ELOVL2: variants seen among roughly 807,000 people sequenced by gnomAD.
ELOVL2 encodes the protein very long chain fatty acid elongase 2.
A neutral mutation model predicts 37.7 loss-of-function variants in ELOVL2; 38 were observed. The ratio of observed to expected loss-of-function variants is 1.01; its 90% confidence interval spans 0.78 to 1.32. The LOEUF (loss-of-function observed/expected upper bound fraction) is 1.32. ELOVL2 is among the 40% of genes most tolerant of loss of function. ELOVL2 has a pLI of 0.00. For synonymous variants in ELOVL2, 115 were observed against 122.3 expected, an observed-to-expected ratio of 0.94 and a Z score of 0.40; for missense variants, 352 against 363.6, an observed-to-expected ratio of 0.97 and a Z score of 0.26.
chr6:11,028,617 T>C (rs1782871506), intron 1 of ELOVL2, among the ~76,000 whole-genome samples: 1 of 151,894 alleles, frequency 6.6e-6, no homozygotes, highest in African/African-American at 2.4e-5. Context: ...TTTAAAATAA[T>C]GTATCAAGAA....
intron 4 of ELOVL2, among the ~76,000 whole-genome samples, chr6:10,996,662 T>C (rs1782273865): frequency 2.0e-5 from 3 of 147,720 alleles, no homozygotes; most frequent in Admixed American, 6.8e-5. Flanking sequence ...AGTGAGACTC[T>C]GCCTCAAAAA....
intron 7 of ELOVL2, among the ~76,000 whole-genome samples, chr6:10,987,761 A>G (rs1279439617): frequency 2.0e-5 from 3 of 152,232 alleles, no homozygotes; most frequent in Non-Finnish European, 2.9e-5. Flanking sequence ...TAAAACTTTT[A>G]AAAATAATTC....
At chr6:10,996,838 C>T (rs1782277543) in intron 4 of ELOVL2, among the ~76,000 whole-genome samples, 3 of 151,346 alleles carry the variant, frequency 2.0e-5, no homozygotes, top group East Asian at 1.9e-4. Context: ...GGTGAAACCC[C>T]GTCTCTATTA....
intron 7 of ELOVL2, among the ~76,000 whole-genome samples, chr6:10,985,441 C>T (rs1212882458): frequency 3.4e-5 from 4 of 116,466 alleles, no homozygotes; most frequent in Non-Finnish European, 6.5e-5. Flanking sequence ...TTGCCCATGC[C>T]TATGTCCTGA....
intron 4 of ELOVL2, among the ~76,000 whole-genome samples, chr6:10,997,390 A>G (rs190936982): frequency 2.4e-4 from 37 of 152,276 alleles, no homozygotes; most frequent in African/African-American, 8.4e-4. Flanking sequence ...ATCCATGTTC[A>G]AATTTCTCGG....
chr6:11,033,888 G>A (rs1782971942), intron 1 of ELOVL2, among the ~76,000 whole-genome samples: 2 of 152,174 alleles, frequency 1.3e-5, no homozygotes, highest in Admixed American at 6.5e-5. Flanking sequence ...TCCAGGCATA[G>A]AGAAAAAAGT....
chr6:11,033,653 C>T (rs1178418715), intron 1 of ELOVL2, among the ~76,000 whole-genome samples: 1 of 152,146 alleles, frequency 6.6e-6, no homozygotes. Flanking sequence ...TGTTTTGAAA[C>T]AAGCATATAG....
At chr6:10,984,915 A>G (rs2113460702) in intron 7 of ELOVL2, among the ~76,000 whole-genome samples, 1 of 152,324 alleles carries the variant, frequency 6.6e-6, no homozygotes, top group Non-Finnish European at 1.5e-5. Context: ...TTCTAGTTCT[A>G]GATCCCTGAG....
intron 4 of ELOVL2, among the ~76,000 whole-genome samples, chr6:10,999,732 AATACAC>A (rs1782344431): frequency 6.6e-6 from 1 of 152,214 alleles, no homozygotes; most frequent in African/African-American, 2.4e-5. Flanking sequence ...AATATAAGCA[AATACAC>A]ATACACATTC....
At chr6:11,038,662 G>T (rs1329996726) in intron 1 of ELOVL2, among the ~76,000 whole-genome samples, 1 of 152,072 alleles carries the variant, frequency 6.6e-6, no homozygotes, top group Non-Finnish European at 1.5e-5. Flanking sequence ...AACTTATGAT[G>T]AAATATGGAT....
intron 4 of ELOVL2, among the ~76,000 whole-genome samples, chr6:10,995,878 A>G (rs1782259414): frequency 6.6e-6 from 1 of 152,224 alleles, no homozygotes; most frequent in Non-Finnish European, 1.5e-5. Flanking sequence ...ACATTAAATT[A>G]TAACTTTCCT....
intron 1 of ELOVL2, chr6:11,015,962 A>C (rs752143639): frequency 6.6e-6 from 1 of 152,196 alleles, no homozygotes; most frequent in Non-Finnish European, 1.5e-5. Context: ...GCTGCCTTGC[A>C]ATCAGAATCA....
intron 1 of ELOVL2, chr6:11,043,887 G>C (rs1406400174): frequency 1.3e-5 from 3 of 231,614 alleles, no homozygotes; most frequent in African/African-American, 6.9e-5. Context: ...GCGAAGGAGG[G>C]GCGGCTTCCT....
rs1006716867 is a variant in ELOVL2, at chr6:11,011,322, C to T, written c.4-513G>A. On this transcript the variant is annotated intron_variant, in intron 1 of 7. Transcript: ENST00000354666. ...CAGAGCTTGCAGTGAGCCGAGATCA[C>T]GCCACCTCACACCAGCCTGGGCGAC... Among the ~76,000 whole-genome samples the T allele has an allele frequency of 1.8e-4, 27 of 151,028 alleles. 1 individual carries two copies. Among genetic ancestry groups the T allele is most frequent in the African/African-American group, 5.9e-4 (24 of 40,900 alleles).
chr6:10,995,477 G>A (rs1453885875), intron 4 of ELOVL2, among the ~76,000 whole-genome samples: 2 of 152,156 alleles, frequency 1.3e-5, no homozygotes, highest in Non-Finnish European at 2.9e-5. Context: ...ATGGGCTTGG[G>A]TGGCTGCTGT....
chr6:11,013,554 G>C (rs1422582724), intron 1 of ELOVL2, among the ~76,000 whole-genome samples: 1 of 152,164 alleles, frequency 6.6e-6, no homozygotes, highest in Non-Finnish European at 1.5e-5. Flanking sequence ...AACAGCATTC[G>C]TGTACATAAC....
In ELOVL2 at chr6:10,981,709, C is replaced by T. The variant is rs981020968; in HGVS notation, c.*2072G>A. On this transcript the variant is annotated 3_prime_UTR_variant, in exon 8 of 8. Transcript: ENST00000354666. ...CATCCAGAGTGGCAGGTATGCTATG[C>T]ACTGAGACCTTAGGGCCTCACTGGC... The T allele has an allele frequency of 5.9e-5, 9 of 152,188 alleles. No homozygotes were observed. Among genetic ancestry groups the T allele is most frequent in the African/African-American group, 2.2e-4 (9 of 41,438 alleles). The allele number at this position is 152,188 out of a possible 1,614,324, so 9.4% of individuals were successfully genotyped here. A position where few individuals can be genotyped will look rare whatever the true frequency, so the allele number is the denominator to read the frequency against.
At chr6:10,991,396 C>T (rs1044646973) in intron 5 of ELOVL2, among the ~76,000 whole-genome samples, 4 of 151,690 alleles carry the variant, frequency 2.6e-5, no homozygotes, top group East Asian at 2.0e-4. Context: ...ATTAGAGGGC[C>T]ATTTATTGGC....
chr6:11,025,895 G>A (rs1189236026), intron 1 of ELOVL2, among the ~76,000 whole-genome samples: 1 of 152,148 alleles, frequency 6.6e-6, no homozygotes, highest in Non-Finnish European at 1.5e-5. Context: ...TATAGAGAAT[G>A]TTAACTGCTG....
Sources: gnomAD v4.1 joint callset for allele counts (sites outside exome capture counted in the v4.1 genomes callset) on GRCh38, gnomAD v4.1.1 for gene constraint, MANE v1.5 for transcripts, NCBI Gene and HGNC (gene_info 2026-07-23, HGNC 2026-07-21) for gene names.